Variants in TRPM2 observed in about 807,000 individuals in gnomAD.
The protein encoded by TRPM2 is transient receptor potential cation channel subfamily M member 2.
TRPM2 carries 161 observed loss-of-function variants against 174.0 expected under a neutral mutation model. The observed-to-expected ratio is 0.93, with a 90% CI of 0.81 to 1.05. The LOEUF (loss-of-function observed/expected upper bound fraction) is 1.05, where lower values mean the gene tolerates loss of function less well. Among genes scored for constraint, TRPM2 ranks in the 50% least tolerant of loss-of-function variants. The pLI, the probability that TRPM2 is intolerant of heterozygous loss-of-function variation, is 0.00. For missense variants in TRPM2, 2,057 were observed against 2,038.0 expected (o/e 1.01, Z -0.18); for synonymous variants, 954 against 861.3 (o/e 1.11, Z -1.88).
intron 2 of TRPM2, among the ~76,000 whole-genome samples, chr21:44,361,305 G>C (rs538718720): frequency 2.6e-5 from 4 of 152,244 alleles, no homozygotes; most frequent in African/African-American, 9.6e-5. Context: ...TAGAGACAGG[G>C]CTTCACCATG....
Position 44,391,734 on chromosome 21 carries a change from C to A in TRPM2, c.1794+109C>A. 1.9e-6 allele frequency: 2 copies of A among 1,069,064 alleles called. No homozygotes were observed. The highest frequency in any genetic ancestry group is 2.6e-6 in the Non-Finnish European group (2 of 766,158). 66.2% of individuals were successfully genotyped at this position (1,069,064 alleles called of 1,614,324 possible). A position where few individuals can be genotyped will look rare whatever the true frequency, so the allele number is the denominator to read the frequency against. On this transcript the variant is annotated intron_variant, in intron 11 of 31. Coordinates refer to ENST00000397928, the MANE Select transcript of TRPM2 (RefSeq NM_003307.4). The surrounding 1 kb of genome is among the most constrained non-coding windows in gnomAD (Gnocchi z 5.0). ...GCTTTTATTTTTATTAGAAAAGACA[C>A]ATGCTCTATCTTAGGCTGCTTGGGC... is the stretch of plus-strand genomic sequence containing the variant.
At chr21:44,358,964 A>G (rs9975269) in intron 2 of TRPM2, among the ~76,000 whole-genome samples, 12,158 of 106,334 alleles carry the variant, frequency 0.11, 1,881 homozygotes, top group African/African-American at 0.2. Context: ...GGACCCGAGC[A>G]GTTTGCCGCT....
At chr21:44,421,806 G>A (rs2050560299) in intron 22 of TRPM2, among the ~76,000 whole-genome samples, 1 of 152,090 alleles carries the variant, frequency 6.6e-6, no homozygotes, top group South Asian at 2.1e-4. Flanking sequence ...TGGTGCACAT[G>A]GGGTCAGAGT....
rs747263232 is a variant in TRPM2, at chr21:44,406,689, G to T, written c.2886G>T (p.Arg962=). The T allele has an allele frequency of 1.2e-6, 2 of 1,610,162 alleles. No individual in the cohort carries two copies. The highest frequency in any genetic ancestry group is 1.7e-6 in the Non-Finnish European group (2 of 1,179,384). The part of the protein sequence containing the change: ...KQAILIHNER[R]VDWLFRGAVY... ...CCATCCTCATCCACAACGAGCGCCG[G>T]GTGGACTGGCTGTTCCGAGGGGCCG... The change falls in exon 19 of 32, where the codon CGG becomes CGT. Residue 962 remains arginine (R), a synonymous_variant. Transcript: ENST00000397928.
intron 18 of TRPM2, 100 bp from the exon 19 acceptor site, chr21:44,406,494 G>A (rs1259051870): frequency 6.5e-6 from 9 of 1,386,668 alleles, no homozygotes; most frequent in African/African-American, 2.9e-5. Context: ...TGTCTGTGCT[G>A]TGAGTGGCAG....
Position 44,441,928 on chromosome 21 carries a change from A to C in TRPM2, c.*111A>C. 1 of 1,398,404 alleles carries C rather than the reference A, an allele frequency of 7.2e-7. No homozygotes were observed. Among genetic ancestry groups the C allele is most frequent in the Non-Finnish European group, 9.3e-7 (1 of 1,072,360 alleles). 86.6% of individuals were successfully genotyped at this position (1,398,404 alleles called of 1,614,324 possible). A position where few individuals can be genotyped will look rare whatever the true frequency, so the allele number is the denominator to read the frequency against. On this transcript the variant is annotated 3_prime_UTR_variant, in exon 32 of 32. Coordinates refer to ENST00000397928, the MANE Select transcript of TRPM2 (RefSeq NM_003307.4). Reference sequence around the variant, plus strand: ...AGGCTGTTCCTGGGCCCTGCACATGATGGGGTTTGGTGGACCCAGTGCCCC... The same window carrying C: ...AGGCTGTTCCTGGGCCCTGCACATGCTGGGGTTTGGTGGACCCAGTGCCCC...
Position 44,406,047 on chromosome 21 carries a change from C to CG in TRPM2, c.2790+15dup. On this transcript the variant is annotated intron_variant, in intron 18 of 31. Transcript: ENST00000397928. ...CATTGTGAAGCGGATGGTAAGGGGG[C>CG]GGGGGCACCGGCTCCATCGCGGCCT... 2 of 1,603,070 alleles carry CG rather than the reference C, an allele frequency of 1.2e-6. No homozygotes were observed. The highest frequency in any genetic ancestry group is 1.7e-6 in the Non-Finnish European group (2 of 1,179,314).
chr21:44,355,561 G>T (rs2048036787), intron 2 of TRPM2, among the ~76,000 whole-genome samples: 1 of 152,184 alleles, frequency 6.6e-6, no homozygotes, highest in East Asian at 1.9e-4. Context: ...ACCGCACCGT[G>T]TGTTTCTCTT....
At chr21:44,418,354 TGGGTCA>T in intron 21 of TRPM2, 63 bp from the exon 22 acceptor site, 14 of 1,578,266 alleles carry the variant, frequency 8.9e-6, no homozygotes, top group Non-Finnish European at 1.2e-5. Flanking sequence ...GCCCCCCCGG[TGGGTCA>T]GGGCTTCAGG....
chr21:44,375,776 G>A (rs757108646), intron 5 of TRPM2, 57 bp from the exon 6 acceptor site: 242 of 1,545,782 alleles, frequency 1.6e-4, no homozygotes, highest in Middle Eastern at 5.2e-4. Flanking sequence ...CAGCCTGCTC[G>A]CGTTAGAGAG....
chr21:44,375,775 C>G (rs1233902309), intron 5 of TRPM2, 58 bp from the exon 6 acceptor site: 1 of 1,542,000 alleles, frequency 6.5e-7, no homozygotes, highest in Non-Finnish European at 8.8e-7. Context: ...TCAGCCTGCT[C>G]GCGTTAGAGA....
chr21:44,365,977 C>G (rs2048348390), intron 3 of TRPM2, among the ~76,000 whole-genome samples: 1 of 152,214 alleles, frequency 6.6e-6, no homozygotes, highest in African/African-American at 2.4e-5. Flanking sequence ...GTTTTGAGGG[C>G]ACCTAATGGC....
intron 11 of TRPM2, among the ~76,000 whole-genome samples, chr21:44,394,386 C>T (rs554766562): frequency 1.4e-5 from 2 of 140,044 alleles, no homozygotes; most frequent in African/African-American, 5.4e-5. Flanking sequence ...GTGGCGCAAT[C>T]TTGGCTCACT....
chr21:44,382,708 C>T lies in TRPM2; in HGVS notation c.1216-10C>T, dbSNP rs375136679. On this transcript the variant is annotated splice_polypyrimidine_tract_variant and intron_variant, in intron 8 of 31. Coordinates refer to ENST00000397928, the MANE Select transcript of TRPM2 (RefSeq NM_003307.4). ...CACTGTGTGTCTCACTTAGAAAATG[C>T]TTGTTGCAGATCCAAGATATCGTCC... is the stretch of plus-strand genomic sequence containing the variant. 1.7e-5 allele frequency: 28 copies of T among 1,613,244 alleles called. No individual in the cohort carries two copies. The East Asian group carries it at 3.3e-4, about 19-fold the overall frequency.
chr21:44,374,093 C>A (rs2048624793), intron 5 of TRPM2, among the ~76,000 whole-genome samples: 1 of 152,024 alleles, frequency 6.6e-6, no homozygotes, highest in Non-Finnish European at 1.5e-5. Context: ...TCACTGCAAC[C>A]TCCACCTTCC....
intron 2 of TRPM2, among the ~76,000 whole-genome samples, chr21:44,359,476 G>C (rs999309429): frequency 4.0e-5 from 6 of 151,610 alleles, no homozygotes; most frequent in Non-Finnish European, 8.8e-5. Context: ...ACTGAGTGTA[G>C]AAACATCCGA....
chr21:44,381,260 T>A (rs1329775039), intron 8 of TRPM2, among the ~76,000 whole-genome samples: 3 of 151,756 alleles, frequency 2.0e-5, no homozygotes, highest in Non-Finnish European at 4.4e-5. Flanking sequence ...GGCTGAGGCT[T>A]ACTTTGGGAG....
upstream of TRPM2, among the ~76,000 whole-genome samples, chr21:44,351,595 G>T (rs2122997105): frequency 3.9e-5 from 6 of 152,244 alleles, no homozygotes; most frequent in Non-Finnish European, 7.3e-5. Context: ...GAAAGGGATT[G>T]AGCCTGTAAT....
chr21:44,377,795 G>A (rs2048751249), intron 7 of TRPM2, 22 bp downstream of exon 7: 3 of 1,613,550 alleles, frequency 1.9e-6, no homozygotes, highest in South Asian at 1.1e-5. Context: ...CAGGTGGGAG[G>A]GGGCATGTGT....
Sources: gnomAD v4.1 joint callset for allele counts (sites outside exome capture counted in the v4.1 genomes callset) on GRCh38, gnomAD v4.1.1 for gene constraint, Gnocchi (gnomAD v3.1) non-coding constraint, MANE v1.5 for transcripts, NCBI Gene and HGNC (gene_info 2026-07-23, HGNC 2026-07-21) for gene names.